MMP25: variants seen among roughly 807,000 people sequenced by gnomAD.
MMP25 encodes the protein matrix metalloproteinase-25.
A neutral mutation model predicts 62.1 loss-of-function variants in MMP25; 68 were observed. The observed-to-expected ratio is 1.10, with a 90% CI of 0.90 to 1.34. The LOEUF (loss-of-function observed/expected upper bound fraction) is 1.34, where lower values mean the gene tolerates loss of function less well. Among genes scored for constraint, MMP25 ranks in the 40% most tolerant of loss-of-function variants. The pLI, the probability that MMP25 is intolerant of heterozygous loss-of-function variation, is 0.00. For synonymous variants in MMP25, 407 were observed against 345.6 expected (o/e 1.18, Z -1.97); for missense variants, 942 against 792.5 (o/e 1.19, Z -2.26).
At chr16:3,048,009 T>C (rs1955846238) in intron 2 of MMP25, among the ~76,000 whole-genome samples, 2 of 152,068 alleles carry the variant, frequency 1.3e-5, no homozygotes, top group Admixed American at 6.6e-5. Context: ...CAGGCTAATT[T>C]TGTATTTTTA....
chr16:3,057,459 T>A (rs2151163677), intron 6 of MMP25, 65 bp downstream of exon 6: 1 of 1,594,300 alleles, frequency 6.3e-7, no homozygotes, highest in Non-Finnish European at 8.6e-7. Context: ...TCCTCTGAGA[T>A]GGGGATGGTG....
rs1338131597 is a variant in MMP25, at chr16:3,059,104, G to T, written c.*6G>T. On this transcript the variant is annotated 3_prime_UTR_variant, in exon 10 of 10. Coordinates refer to ENST00000336577, the MANE Select transcript of MMP25 (RefSeq NM_022468.5). ...GGGGTGTAGCCTCCCGCTGATGGGG[G>T]GAGCCATCCAGACCGAACAGCGCCC... 2.6e-6 allele frequency: 4 copies of T among 1,536,446 alleles called. No individual in the cohort carries two copies. In the East Asian group the frequency reaches 9.8e-5, roughly 38 times the overall value.
At chr16:3,058,356 C>T in intron 8 of MMP25, 23 bp downstream of exon 8, 2 of 1,514,806 alleles carry the variant, frequency 1.3e-6, no homozygotes, top group East Asian at 2.5e-5. Flanking sequence ...GGCGGCGGGG[C>T]GCGCTGGGGC....
Position 3,047,036 on chromosome 16 carries a change from G to C in MMP25, c.99+20G>C. ...GGCGTGGTGAGCGCGGGGTCCGCAG[G>C]CTCCTGGGGTCTGCAGAGAGATTGG... On this transcript the variant is annotated intron_variant, in intron 1 of 9. Transcript: ENST00000336577. The C allele has an allele frequency of 7.1e-7, 1 of 1,415,284 alleles. No homozygotes were observed. Among genetic ancestry groups the C allele is most frequent in the African/African-American group, 1.5e-5 (1 of 66,390 alleles). The allele number at this position is 1,415,284 out of a possible 1,614,324, so 87.7% of individuals were successfully genotyped here.
Position 3,059,190 on chromosome 16 carries a change from C to A in MMP25, c.*92C>A, listed in dbSNP as rs1956074132. 1.4e-6 allele frequency: 2 copies of A among 1,380,628 alleles called. No individual in the cohort carries two copies. Among genetic ancestry groups the A allele is most frequent in the Admixed American group, 2.8e-5 (1 of 35,460 alleles). The allele number at this position is 1,380,628 out of a possible 1,614,324, so 85.5% of individuals were successfully genotyped here. The stretch of plus-strand genomic sequence containing the variant: ...GGGGTTGTGAGGCGCTGCGGAGGCC[C>A]CTTGTCTGTTCCCACGGACGGGGGC... On this transcript the variant is annotated 3_prime_UTR_variant, in exon 10 of 10. Coordinates refer to ENST00000336577, the MANE Select transcript of MMP25 (RefSeq NM_022468.5).
Position 3,059,301 on chromosome 16 carries a change from C to T in MMP25, c.*203C>T. The T allele has an allele frequency of 1.9e-6, 1 of 538,500 alleles. No homozygotes were observed. The highest frequency in any genetic ancestry group is 4.3e-5 in the South Asian group (1 of 23,416). The allele number at this position is 538,500 out of a possible 1,614,324, so 33.4% of individuals were successfully genotyped here. A position where few individuals can be genotyped will look rare whatever the true frequency, so the allele number is the denominator to read the frequency against. ...CGCCTGGCGCTGGGCTCAGTCTCCT[C>T]AGGGTCTGAGACCCCGGCGCTGCCA... On this transcript the variant is annotated 3_prime_UTR_variant, in exon 10 of 10. Coordinates refer to ENST00000336577, the MANE Select transcript of MMP25 (RefSeq NM_022468.5).
At chr16:3,056,583 T>C (rs1368832331) in intron 4 of MMP25, among the ~76,000 whole-genome samples, 1 of 151,938 alleles carries the variant, frequency 6.6e-6, no homozygotes, top group Non-Finnish European at 1.5e-5. Flanking sequence ...GGCCAATTTT[T>C]AAAATTTTTT....
At chr16:3,048,311 C>A (rs1955850937) in intron 2 of MMP25, among the ~76,000 whole-genome samples, 1 of 152,178 alleles carries the variant, frequency 6.6e-6, no homozygotes, top group South Asian at 2.1e-4. Context: ...CAGTCTCTAA[C>A]CAAATATACT....
rs753422030 is a variant in MMP25, at chr16:3,057,414, G to A, written c.923+20G>A. 17 of 1,606,672 alleles carry A rather than the reference G, an allele frequency of 1.1e-5. No homozygotes were observed. In the Admixed American group the frequency reaches 1.3e-4, roughly 13 times the overall value. ...ACACAGGTGAGTCCCCCACCAACTC[G>A]GAGACCTTGGGTGACCAGCTGCCCA... On this transcript the variant is annotated intron_variant, in intron 6 of 9. Coordinates refer to ENST00000336577, the MANE Select transcript of MMP25 (RefSeq NM_022468.5).
chr16:3,058,763 G>A, intron 9 of MMP25, 64 bp from the exon 10 acceptor site: 2 of 1,510,744 alleles, frequency 1.3e-6, no homozygotes, highest in Non-Finnish European at 1.8e-6. Flanking sequence ...CGGGGATGGG[G>A]GTCCTTGGGC....
rs762067727 is a variant in MMP25 at position 3,050,012 on chromosome 16, C to T, written c.236C>T (p.Pro79Leu). The T allele has an allele frequency of 3.7e-6, 6 of 1,609,534 alleles. No individual in the cohort carries two copies. The highest frequency in any genetic ancestry group is 4.2e-6 in the Non-Finnish European group (5 of 1,179,948). ...AGLPETGRMD[P>L]GTVATMRKPR... ...CACCGCCAAATGTCTCCCGCAGACC[C>T]AGGGACAGTGGCCACCATGCGTAAG... Residue 79 changes from proline (P) to leucine (L), a missense_variant, in exon 3 of 10, where the codon CCA (proline) becomes CTA (leucine). Physicochemically the swap from Pro to Leu is moderately conservative, Grantham distance 98. Transcript: ENST00000336577.
At position 3,058,674 on chromosome 16, in the gene MMP25, G is replaced by T. The variant is rs1228912886; in HGVS notation, c.1417+5G>T. On this transcript the variant is annotated splice_donor_5th_base_variant and intron_variant, in intron 9 of 9. Coordinates refer to ENST00000336577, the MANE Select transcript of MMP25 (RefSeq NM_022468.5). ...ATGTCACCGTCAGCAACGCAGGTGG[G>T]GAGCGCGGTGACCTGCGGGTTACTG... The T allele has an allele frequency of 1.3e-6, 2 of 1,593,004 alleles. No homozygotes were observed.
chr16:3,050,831 G>A (rs1000831633), intron 4 of MMP25, among the ~76,000 whole-genome samples: 21 of 151,932 alleles, frequency 1.4e-4, no homozygotes, highest in African/African-American at 5.1e-4. Flanking sequence ...TCATTATCTT[G>A]CTCAGGCTGG....
chr16:3,048,584 C>G (rs1190209931), intron 2 of MMP25, among the ~76,000 whole-genome samples: 1 of 152,092 alleles, frequency 6.6e-6, no homozygotes, highest in African/African-American at 2.4e-5. Context: ...AGAGGAGGAA[C>G]CAGCCATGGG....
In MMP25 at chr16:3,050,305, C is replaced by A. The variant is rs1596212596; in HGVS notation, c.420C>A (p.Val140=). 6.2e-7 allele frequency: 1 copy of A among 1,613,144 alleles called. No individual in the cohort carries two copies. The highest frequency in any genetic ancestry group is 8.5e-7 in the Non-Finnish European group (1 of 1,179,466). ...AGCTGAGCCAGGAGACCGTGCGGGT[C>A]CTCATGAGCTATGCCCTGATGGCCT... The part of the protein sequence containing the change: ...SSQLSQETVR[V]LMSYALMAWG... The change falls in exon 4 of 10, where the codon GTC becomes GTA. Residue 140 remains valine, a synonymous_variant. Coordinates refer to ENST00000336577, the MANE Select transcript of MMP25 (RefSeq NM_022468.5).
intron 7 of MMP25, chr16:3,057,906 A>AGCC (rs1956040907): frequency 1.0e-5 from 6 of 576,704 alleles, no homozygotes; most frequent in Non-Finnish European, 1.8e-5. Flanking sequence ...GTCTCACTAT[A>AGCC]TTGCCCAGGC....
At position 3,056,996 on chromosome 16, in the gene MMP25, A is replaced by G. The variant is rs767225890; in HGVS notation, c.662-37A>G. On this transcript the variant is annotated intron_variant, in intron 4 of 9. Transcript: ENST00000336577. ...CTTCCTGTGGCCCCTTTCCCCAAGC[A>G]GGGGCGGCCGCAGCTCTCACCCACT... The G allele has an allele frequency of 4.6e-6, 7 of 1,525,756 alleles. No homozygotes were observed. In the South Asian group the frequency reaches 5.1e-5, roughly 11 times the overall value. 94.5% of individuals were successfully genotyped at this position (1,525,756 alleles called of 1,614,324 possible).
chr16:3,058,017 G>C lies in MMP25; in HGVS notation c.1007-164G>C, dbSNP rs2151164420. 4 of 787,672 alleles carry C rather than the reference G, an allele frequency of 5.1e-6. No individual in the cohort carries two copies. The East Asian group carries it at 1.2e-4, about 23-fold the overall frequency. The allele number at this position is 787,672 out of a possible 1,614,324, so 48.8% of individuals were successfully genotyped here. The stretch of plus-strand genomic sequence containing the variant: ...CAGGCAAGGCCCTGGCACTTTTAGC[G>C]CTAAAAAGGGAAAAGTCTCAGGCGG... On this transcript the variant is annotated intron_variant, in intron 7 of 9. Coordinates refer to ENST00000336577, the MANE Select transcript of MMP25 (RefSeq NM_022468.5).
At position 3,058,506 on chromosome 16, in the gene MMP25, C is replaced by G; in HGVS notation, c.1254C>G (p.Ala418=). Residue 418 remains alanine (A), a synonymous_variant, in exon 9 of 10, where the codon GCC becomes GCG. Transcript: ENST00000336577. ...LGLPPGEEVD[A]VFSWPQNGKT... is the part of the protein sequence containing the mutation. ...TGCCCCCGGGAGAGGAGGTGGACGC[C>G]GTGTTCTCGTGGCCACAGAACGGGA... The G allele has an allele frequency of 1.2e-6, 2 of 1,610,244 alleles. No homozygotes were observed. Among genetic ancestry groups the G allele is most frequent in the South Asian group, 1.1e-5 (1 of 90,810 alleles).
Sources: allele counts gnomAD v4.1 joint callset (sites outside exome capture counted in the v4.1 genomes callset), GRCh38; gene constraint gnomAD v4.1.1; transcripts MANE v1.5; gene names NCBI Gene and HGNC (gene_info 2026-07-23, HGNC 2026-07-21).